The following TNRC6B variants were observed in gnomAD, a reference collection of about 807,000 sequenced individuals.
TNRC6B encodes the protein trinucleotide repeat-containing gene 6B protein.
A neutral mutation model predicts 203.6 loss-of-function variants in TNRC6B; 52 were observed. The observed-to-expected ratio is 0.26, with a 90% CI of 0.20 to 0.32. The LOEUF (loss-of-function observed/expected upper bound fraction) is 0.32. TNRC6B is among the 10% of genes least tolerant of loss of function. The pLI, the probability that TNRC6B is intolerant of heterozygous loss-of-function variation, is 1.00. For missense variants in TNRC6B, 1,923 were observed against 2,286.2 expected, an observed-to-expected ratio of 0.84 and a Z score of 3.24; for synonymous variants, 838 against 845.7, an observed-to-expected ratio of 0.99 and a Z score of 0.16.
At chr22:40,288,694 C>T (rs1297525724) in intron 12 of TNRC6B, among the ~76,000 whole-genome samples, 1 of 152,042 alleles carries the variant, frequency 6.6e-6, no homozygotes, top group Admixed American at 6.5e-5. Context: ...AGGAGTGTGC[C>T]ACTATGCCTG....
intron 1 of TNRC6B, among the ~76,000 whole-genome samples, chr22:40,054,807 G>A (rs1220769233): frequency 6.6e-6 from 1 of 151,990 alleles, no homozygotes; most frequent in African/African-American, 2.4e-5. Flanking sequence ...GGAGGCCAAG[G>A]CAGGCAGGTC....
intron 1 of TNRC6B, among the ~76,000 whole-genome samples, chr22:40,082,589 A>G (rs1049114454): frequency 2.0e-5 from 3 of 152,238 alleles, no homozygotes; most frequent in Non-Finnish European, 4.4e-5. Context: ...AGCAGGGAGT[A>G]AGCCAGTCTA....
chr22:40,240,209 C>T (rs1047265675), intron 1 of TNRC6B, among the ~76,000 whole-genome samples: 2 of 152,152 alleles, frequency 1.3e-5, no homozygotes, highest in African/African-American at 4.8e-5. Flanking sequence ...AAGAAGAAAA[C>T]ACTGTTGTAT....
In TNRC6B at chr22:40,224,775, T is replaced by G. The variant is rs188650980; in HGVS notation, c.6-21240T>G. On this transcript the variant is annotated intron_variant, in intron 1 of 22. Coordinates refer to ENST00000454349, the MANE Select transcript of TNRC6B (RefSeq NM_001162501.2). Reference sequence around the variant, plus strand: ...TTTAAATACTTTATCCATCTGGAGTTTATTTTCACGCAAGGTATGAGGTAT... The same window carrying G: ...TTTAAATACTTTATCCATCTGGAGTGTATTTTCACGCAAGGTATGAGGTAT... 3.3e-5 allele frequency among the ~76,000 whole-genome samples: 5 copies of G among 152,376 alleles called. No homozygotes were observed. The East Asian group carries it at 9.6e-4, about 29-fold the overall frequency.
intron 3 of TNRC6B, among the ~76,000 whole-genome samples, chr22:40,131,699 T>C (rs910187756): frequency 2.6e-4 from 40 of 152,216 alleles, no homozygotes; most frequent in African/African-American, 9.4e-4. Context: ...GAAGAAAGAA[T>C]GTTAAATTTC....
In TNRC6B at chr22:40,327,445, G is replaced by C. The variant is rs1304924244; in HGVS notation, c.*4204G>C. On this transcript the variant is annotated 3_prime_UTR_variant, in exon 23 of 23. Transcript: ENST00000454349. ...CCATTACTGTGCATTGATTCCTCCA[G>C]GTGTGTAATTGTGACAACTGCAGTG... The C allele has an allele frequency of 1.3e-5, 2 of 152,366 alleles. No homozygotes were observed. The highest frequency in any genetic ancestry group is 2.9e-5 in the Non-Finnish European group (2 of 68,084). 9.4% of individuals were successfully genotyped at this position (152,366 alleles called of 1,614,324 possible). A position where few individuals can be genotyped will look rare whatever the true frequency, so the allele number is the denominator to read the frequency against.
intron 3 of TNRC6B, among the ~76,000 whole-genome samples, chr22:40,254,757 T>C (rs192989467): frequency 2.6e-4 from 40 of 152,138 alleles, no homozygotes; most frequent in African/African-American, 9.4e-4. Context: ...CGTGGTGGCA[T>C]GTGCCTGTAG....
chr22:40,149,137 A>G (rs2068722459), intron 3 of TNRC6B, among the ~76,000 whole-genome samples: 1 of 152,252 alleles, frequency 6.6e-6, no homozygotes, highest in Non-Finnish European at 1.5e-5. Context: ...AACACCCATC[A>G]AATTGTGATA....
chr22:40,278,488 G>T (rs1004416186), intron 9 of TNRC6B, among the ~76,000 whole-genome samples: 1 of 151,194 alleles, frequency 6.6e-6, no homozygotes, highest in South Asian at 2.1e-4. Flanking sequence ...AACCCAGGAG[G>T]CAGAGGTTGC....
chr22:40,190,352 C>T (rs1282554745), intron 1 of TNRC6B, among the ~76,000 whole-genome samples: 1 of 152,068 alleles, frequency 6.6e-6, no homozygotes. Context: ...AAACTTACAG[C>T]AAAATTTATC....
At chr22:40,075,156 A>ATTTTTTTTTTTTTTTTTTTTTTTT (rs58240994) in intron 1 of TNRC6B, among the ~76,000 whole-genome samples, 1 of 35,568 alleles carries the variant, frequency 2.8e-5, no homozygotes, top group Non-Finnish European at 5.2e-5. Flanking sequence ...ATATATATAT[A>ATTTTTTTTTTTTTTTTTTTTTTTT]TTTTTTTTTT....
chr22:40,318,777 T>C (rs372658063), intron 21 of TNRC6B, among the ~76,000 whole-genome samples: 5 of 152,234 alleles, frequency 3.3e-5, no homozygotes, highest in East Asian at 1.9e-4. Flanking sequence ...TTCTATCTTA[T>C]GAAAAATGCT....
At chr22:40,046,249 G>A (rs1472842952) in intron 1 of TNRC6B, among the ~76,000 whole-genome samples, 4 of 152,228 alleles carry the variant, frequency 2.6e-5, no homozygotes, top group Non-Finnish European at 4.4e-5. Context: ...AAGTACAGAT[G>A]TGTTTTGGGT....
chr22:40,245,940 C>A, intron 1 of TNRC6B, 75 bp from the exon 2 acceptor site: 1 of 1,192,672 alleles, frequency 8.4e-7, no homozygotes, highest in Admixed American at 2.6e-5. Flanking sequence ...CCACCACTTA[C>A]AAGCATTCAA....
rs555465673 is a variant in TNRC6B, at chr22:40,316,365, CAAAA to C, written c.4974+360_4974+363del. Among the ~76,000 whole-genome samples, 7 of 137,700 alleles carry C rather than the reference CAAAA, an allele frequency of 5.1e-5. No individual in the cohort carries two copies. The East Asian group carries it at 1.0e-3, about 21-fold the overall frequency. The allele number at this position is 137,700 out of a possible 152,430, so 90.3% of individuals were successfully genotyped here. On this transcript the variant is annotated intron_variant, in intron 21 of 22. Coordinates refer to ENST00000454349, the MANE Select transcript of TNRC6B (RefSeq NM_001162501.2). ...TGAGACTCCATCTCAAAAAAAAAAACAAAAAAAAAAGAGGTAAAGATGGGGGTTG... is the reference window on the plus strand; with the variant it reads ...TGAGACTCCATCTCAAAAAAAAAAACAAAAAAGAGGTAAAGATGGGGGTTG...
chr22:40,266,656 C>A lies in TNRC6B; in HGVS notation c.2426C>A (p.Thr809Lys). ...DCKRSPAWNE[T>K]GRQPNSWNKQ... ...AAAAGATCCCCAGCATGGAATGAGA[C>A]GGGCCGACAGCCCAATTCCTGGAAT... Residue 809 changes from threonine (T) to lysine (K), a missense_variant, in exon 5 of 23, where the codon ACG becomes AAG. Physicochemically the swap from Thr to Lys is moderately conservative, Grantham distance 78. Transcript: ENST00000454349. 6.2e-7 allele frequency: 1 copy of A among 1,612,792 alleles called. No homozygotes were observed. Among genetic ancestry groups the A allele is most frequent in the Admixed American group, 1.7e-5 (1 of 59,882 alleles).
chr22:40,129,259 C>T (rs2068520895), intron 3 of TNRC6B, among the ~76,000 whole-genome samples: 2 of 152,222 alleles, frequency 1.3e-5, no homozygotes, highest in Non-Finnish European at 2.9e-5. Flanking sequence ...TGGACCTATT[C>T]TCCATGCCTA....
intron 1 of TNRC6B, chr22:40,106,245 T>G: frequency 3.7e-6 from 1 of 266,770 alleles, no homozygotes; most frequent in Non-Finnish European, 7.0e-6. Flanking sequence ...GTCTTTTTTT[T>G]TTTTTTTTTT....
In TNRC6B at chr22:40,331,711, A is replaced by C; in HGVS notation, c.*8470A>C. 9.5e-6 allele frequency: 1 copy of C among 105,078 alleles called. No homozygotes were observed. Among genetic ancestry groups the C allele is most frequent in the Non-Finnish European group, 1.7e-5 (1 of 59,256 alleles). 6.5% of individuals were successfully genotyped at this position (105,078 alleles called of 1,614,324 possible). On this transcript the variant is annotated 3_prime_UTR_variant, in exon 23 of 23. Coordinates refer to ENST00000454349, the MANE Select transcript of TNRC6B (RefSeq NM_001162501.2). Reference sequence around the variant, plus strand: ...CACATGTGGTCATCGTCGCTTCTTTATGTTGTAAGGTGAATTGTAACTATG... The same window carrying C: ...CACATGTGGTCATCGTCGCTTCTTTCTGTTGTAAGGTGAATTGTAACTATG...
Sources: gnomAD v4.1 joint callset for allele counts (sites outside exome capture counted in the v4.1 genomes callset) on GRCh38, gnomAD v4.1.1 for gene constraint, MANE v1.5 for transcripts, NCBI Gene and HGNC (gene_info 2026-07-23, HGNC 2026-07-21) for gene names.